CENPP: variants seen among roughly 807,000 people sequenced by gnomAD.
CENPP encodes centromere protein P.
A neutral mutation model predicts 35.6 loss-of-function variants in CENPP; 24 were observed. The observed-to-expected ratio is 0.67, with a 90% CI of 0.49 to 0.95. CENPP has a LOEUF of 0.95. CENPP is among the 40% of genes least tolerant of loss of function. The pLI is 0.00. For missense variants in CENPP, 332 were observed against 345.3 expected, an observed-to-expected ratio of 0.96 and a Z score of 0.31; for synonymous variants, 120 against 125.5, an observed-to-expected ratio of 0.96 and a Z score of 0.29.
chr9:92,384,851 A>G (rs913609619), intron 5 of CENPP: 1 of 152,294 alleles, frequency 6.6e-6, no homozygotes, highest in Non-Finnish European at 1.5e-5. Context: ...TCAGAAATGG[A>G]TGAACTTTTC....
At chr9:92,346,592 T>A (rs752457600) in intron 4 of CENPP, among the ~76,000 whole-genome samples, 3 of 152,178 alleles carry the variant, frequency 2.0e-5, no homozygotes, top group Admixed American at 2.0e-4. Flanking sequence ...TTGAAAAGTT[T>A]TGAGCAGGGC....
In CENPP at chr9:92,578,828, T is replaced by G. The variant is rs1162070118; in HGVS notation, c.565-32486T>G. The stretch of plus-strand genomic sequence containing the variant: ...AATTAGATCCCATTTGTCAATTTTG[T>G]CTTTTGTTGCCATTGCTTTTGGTGT... On this transcript the variant is annotated intron_variant, in intron 5 of 7. Coordinates refer to ENST00000375587, the MANE Select transcript of CENPP (RefSeq NM_001012267.3). 1.2e-4 allele frequency among the ~76,000 whole-genome samples: 18 copies of G among 152,046 alleles called. No individual in the cohort carries two copies. In the East Asian group the frequency reaches 1.5e-3, roughly 13 times the overall value.
In CENPP at chr9:92,613,261, T is replaced by C; in HGVS notation, c.*112T>C. On this transcript the variant is annotated 3_prime_UTR_variant, in exon 8 of 8. Coordinates refer to ENST00000375587, the MANE Select transcript of CENPP (RefSeq NM_001012267.3). ...TAGAAACCACACCCTGAAGACGTGCTGTCTATGCAGTTATGGCACATTATA... is the reference window on the plus strand; with the variant it reads ...TAGAAACCACACCCTGAAGACGTGCCGTCTATGCAGTTATGGCACATTATA... The C allele has an allele frequency of 7.8e-7, 1 of 1,275,726 alleles. No homozygotes were observed. Among genetic ancestry groups the C allele is most frequent in the Non-Finnish European group, 1.1e-6 (1 of 891,236 alleles). The allele number at this position is 1,275,726 out of a possible 1,614,324, so 79.0% of individuals were successfully genotyped here.
Position 92,619,408 on chromosome 9 carries a change from C to T in CENPP, c.*6259C>T. 8.4e-7 allele frequency: 1 copy of T among 1,187,482 alleles called. No individual in the cohort carries two copies. Among genetic ancestry groups the T allele is most frequent in the Non-Finnish European group, 1.2e-6 (1 of 818,042 alleles). The allele number at this position is 1,187,482 out of a possible 1,614,324, so 73.6% of individuals were successfully genotyped here. The stretch of plus-strand genomic sequence containing the variant: ...GAGTCTCTAAATATGGGGAAACCAA[C>T]TATCCTATTAACAATTCACCAACTG... On this transcript the variant is annotated 3_prime_UTR_variant, in exon 8 of 8. Transcript: ENST00000375587.
Position 92,373,854 on chromosome 9 carries a change from CT to C in CENPP, c.468-5906del, listed in dbSNP as rs978147042. Among the ~76,000 whole-genome samples, 25 of 152,122 alleles carry C rather than the reference CT, an allele frequency of 1.6e-4. 1 individual carries two copies. The highest frequency in any genetic ancestry group is 5.8e-4 in the African/African-American group (24 of 41,526). ...AAGAAAAAAATCAATGTTTTGAATT[CT>C]TTATCTGAGATTTCTGAAATTTCTT... is the stretch of plus-strand genomic sequence containing the variant. On this transcript the variant is annotated intron_variant, in intron 4 of 7. Transcript: ENST00000375587.
intron 5 of CENPP, among the ~76,000 whole-genome samples, chr9:92,404,202 A>G (rs1351433837): frequency 6.6e-6 from 1 of 152,156 alleles, no homozygotes; most frequent in Non-Finnish European, 1.5e-5. Context: ...TTTCTTAAGT[A>G]ACTTCAAACA....
At chr9:92,334,232 T>C (rs1226677410) in intron 2 of CENPP, among the ~76,000 whole-genome samples, 1 of 151,164 alleles carries the variant, frequency 6.6e-6, no homozygotes, top group Admixed American at 6.6e-5. Context: ...GCAATTCTCC[T>C]GCCTCAGCCT....
At chr9:92,402,023 A>G (rs1014992868) in intron 5 of CENPP, among the ~76,000 whole-genome samples, 3 of 152,126 alleles carry the variant, frequency 2.0e-5, no homozygotes, top group Non-Finnish European at 4.4e-5. Flanking sequence ...ACTCCACTCC[A>G]CAAATATCTT....
chr9:92,582,047 G>A (rs533906940), intron 5 of CENPP, among the ~76,000 whole-genome samples: 72 of 152,004 alleles, frequency 4.7e-4, no homozygotes, highest in African/African-American at 1.7e-3. Flanking sequence ...GTTTTGTTTT[G>A]TTTTGTTTTG....
intron 5 of CENPP, among the ~76,000 whole-genome samples, chr9:92,467,126 AG>A (rs1473046550): frequency 2.0e-5 from 3 of 152,232 alleles, no homozygotes; most frequent in African/African-American, 7.2e-5. Flanking sequence ...ATGGATCCTG[AG>A]AAATGACTCA....
chr9:92,439,495 A>T (rs947576205), intron 5 of CENPP, among the ~76,000 whole-genome samples: 1 of 152,204 alleles, frequency 6.6e-6, no homozygotes, highest in African/African-American at 2.4e-5. Flanking sequence ...GTGGCTGACC[A>T]GCATGGGAGG....
chr9:92,466,616 G>C, intron 5 of CENPP: 5 of 1,490,456 alleles, frequency 3.4e-6, no homozygotes, highest in Non-Finnish European at 4.7e-6. Flanking sequence ...AAGTGGATTT[G>C]ATTTACCAGT....
chr9:92,420,911 G>A (rs1350953119), intron 5 of CENPP, among the ~76,000 whole-genome samples: 3 of 152,172 alleles, frequency 2.0e-5, no homozygotes, highest in Non-Finnish European at 1.5e-5. Context: ...ATAGAGGGAA[G>A]TGAGGAAGAA....
chr9:92,598,652 C>G (rs1010515219), intron 5 of CENPP, among the ~76,000 whole-genome samples: 1 of 151,766 alleles, frequency 6.6e-6, no homozygotes, highest in Admixed American at 6.6e-5. Flanking sequence ...TTTCCTGTCT[C>G]CTGAGACAGA....
intron 5 of CENPP, among the ~76,000 whole-genome samples, chr9:92,487,623 T>C (rs928369486): frequency 2.0e-5 from 3 of 152,114 alleles, no homozygotes; most frequent in African/African-American, 7.2e-5. Context: ...CTAAAACAAT[T>C]AAGTCAGCAT....
At chr9:92,489,750 A>G (rs1234474941) in intron 5 of CENPP, among the ~76,000 whole-genome samples, 1 of 152,142 alleles carries the variant, frequency 6.6e-6, no homozygotes, top group Non-Finnish European at 1.5e-5. Flanking sequence ...TGCCATGGAC[A>G]TGATCATACA....
At chr9:92,506,929 A>G (rs1009440243) in intron 5 of CENPP, among the ~76,000 whole-genome samples, 27 of 151,962 alleles carry the variant, frequency 1.8e-4, no homozygotes, top group African/African-American at 5.8e-4. Flanking sequence ...TTATTTAGAG[A>G]CAGAGTCTTG....
chr9:92,474,873 A>T (rs186840940), intron 5 of CENPP: 8 of 1,613,834 alleles, frequency 5.0e-6, no homozygotes, highest in Non-Finnish European at 6.8e-6. Context: ...AAAGCCAGGA[A>T]TAATAGGAGC....
chr9:92,422,416 T>C (rs529766683), intron 5 of CENPP, among the ~76,000 whole-genome samples: 1 of 152,312 alleles, frequency 6.6e-6, no homozygotes, highest in South Asian at 2.1e-4. Flanking sequence ...TTATCAACCT[T>C]ACATTTGAGA....
Sources: allele counts gnomAD v4.1 joint callset (sites outside exome capture counted in the v4.1 genomes callset), GRCh38; gene constraint gnomAD v4.1.1; transcripts MANE v1.5; gene names NCBI Gene and HGNC (gene_info 2026-07-23, HGNC 2026-07-21).